Variants in DUSP14 observed in about 807,000 individuals in gnomAD.
DUSP14 encodes dual specificity protein phosphatase 14.
In DUSP14, 5 loss-of-function variants were observed where a neutral mutation model predicts 13.2. The ratio of observed to expected loss-of-function variants is 0.38; its 90% CI spans 0.20 to 0.80. The LOEUF (loss-of-function observed/expected upper bound fraction) is 0.80, where lower values mean the gene tolerates loss of function less well. Among genes scored for constraint, DUSP14 ranks in the 30% least tolerant of loss-of-function variants. The probability of loss-of-function intolerance (pLI) is 0.44; values close to 1 mark genes in which losing one functional copy is unlikely to be tolerated. For synonymous variants in DUSP14, 91 were observed against 103.4 expected, an observed-to-expected ratio of 0.88 and a Z score of 0.73; for missense variants, 185 against 264.0, an observed-to-expected ratio of 0.70 and a Z score of 2.07.
Position 37,512,451 on chromosome 17 carries a change from CCATTGAGATCCCTAA to C in DUSP14, c.180_194del (p.Ile61_Asn65del). The C allele has an allele frequency of 6.2e-7, 1 of 1,614,172 alleles. No individual in the cohort carries two copies. Among genetic ancestry groups the C allele is most frequent in the Non-Finnish European group, 8.5e-7 (1 of 1,180,036 alleles). ...GGCATCACCTGCATTGTTAATGCTA[CCATTGAGATCCCTAA>C]TTTCAACTGGCCCCAATTTGAGTAT... On this transcript the variant is annotated inframe_deletion, in exon 3 of 3. Transcript: ENST00000617516. The surrounding 1 kb of genome is among the most constrained non-coding windows in gnomAD (Gnocchi z 4.8).
Position 37,498,388 on chromosome 17 carries a change from G to A in DUSP14, c.-181+8430G>A, listed in dbSNP as rs1025258741. ...GTCGCCCAGGCTGGAGTGCAGTGGCGCAGTCTCTGCTCACTGCAAGCTCCG... is the reference window on the plus strand; with the variant it reads ...GTCGCCCAGGCTGGAGTGCAGTGGCACAGTCTCTGCTCACTGCAAGCTCCG... On this transcript the variant is annotated intron_variant, in intron 1 of 2. Transcript: ENST00000617516. Among the ~76,000 whole-genome samples, 4 of 134,818 alleles carry A rather than the reference G, an allele frequency of 3.0e-5. No homozygotes were observed. The East Asian group carries it at 9.1e-4, about 31-fold the overall frequency. 88.4% of individuals were successfully genotyped at this position (134,818 alleles called of 152,430 possible). A position where few individuals can be genotyped will look rare whatever the true frequency, so the allele number is the denominator to read the frequency against.
At chr17:37,506,956 C>T (rs1328644998) in intron 1 of DUSP14, among the ~76,000 whole-genome samples, 8 of 152,328 alleles carry the variant, frequency 5.3e-5, no homozygotes, top group South Asian at 2.1e-4. Flanking sequence ...GTGTGGCAGA[C>T]GCTGGCTGGT....
chr17:37,506,144 A>C (rs2054136329), intron 1 of DUSP14, among the ~76,000 whole-genome samples: 1 of 152,048 alleles, frequency 6.6e-6, no homozygotes, highest in Non-Finnish European at 1.5e-5. Context: ...ATGCACCTGT[A>C]ATCCCAGCTA....
Position 37,512,364 on chromosome 17 carries a change from C to T in DUSP14, c.92C>T (p.Thr31Ile). ...GACATAGGAGGCATTGCTCAAATCA[C>T]CTCCTCTCTATTCCTGGGCAGAGGC... is the stretch of plus-strand genomic sequence containing the variant. ...EGDIGGIAQI[T>I]SSLFLGRGSV... The change falls in exon 3 of 3, where the codon ACC becomes ATC. Residue 31 changes from threonine to isoleucine, a missense_variant. By Grantham distance (89) the Thr-to-Ile change is moderately conservative. Transcript: ENST00000617516. This position sits in a 1 kb window ranked among gnomAD's most constrained non-coding sequence, Gnocchi z 4.8. 6.2e-7 allele frequency: 1 copy of T among 1,614,160 alleles called. No homozygotes were observed.
intron 1 of DUSP14, among the ~76,000 whole-genome samples, chr17:37,492,814 C>T (rs1322293594): frequency 1.3e-5 from 2 of 152,292 alleles, no homozygotes; most frequent in Non-Finnish European, 2.9e-5. Flanking sequence ...CTCTCTCCCT[C>T]CCCCAGAGGT....
chr17:37,490,275 C>T (rs1316805093), intron 1 of DUSP14, among the ~76,000 whole-genome samples: 1 of 152,048 alleles, frequency 6.6e-6, no homozygotes, highest in African/African-American at 2.4e-5. Context: ...CTCCAGCAGC[C>T]TCGGCCGCGC....
intron 1 of DUSP14, among the ~76,000 whole-genome samples, chr17:37,499,857 A>G (rs1478513871): frequency 6.6e-6 from 1 of 152,250 alleles, no homozygotes; most frequent in Non-Finnish European, 1.5e-5. Flanking sequence ...TTAGTAATGT[A>G]GTCTTCTAAA....
intron 1 of DUSP14, among the ~76,000 whole-genome samples, chr17:37,499,844 T>A (rs1441818464): frequency 6.6e-6 from 1 of 152,266 alleles, no homozygotes; most frequent in Non-Finnish European, 1.5e-5. Context: ...AATGTTTTAC[T>A]AATTAGTAAT....
intron 1 of DUSP14, among the ~76,000 whole-genome samples, chr17:37,496,117 A>G (rs1279116238): frequency 1.3e-5 from 2 of 152,218 alleles, no homozygotes; most frequent in Non-Finnish European, 2.9e-5. Context: ...TTTGTGTTTC[A>G]TTATAAAACA....
intron 1 of DUSP14, among the ~76,000 whole-genome samples, chr17:37,493,047 A>G (rs998905397): frequency 2.0e-5 from 3 of 152,128 alleles, no homozygotes; most frequent in Non-Finnish European, 4.4e-5. Flanking sequence ...GTATATACAC[A>G]CGCACATATA....
At position 37,512,295 on chromosome 17, in the gene DUSP14, C is replaced by T. The variant is rs778104163; in HGVS notation, c.23C>T (p.Thr8Met). The change falls in exon 3 of 3, where the codon ACG becomes ATG. Residue 8 changes from threonine (T) to methionine (M), a missense_variant. Transcript: ENST00000617516. This position sits in a 1 kb window ranked among gnomAD's most constrained non-coding sequence, Gnocchi z 4.8. ...TTCATGAGCTCCAGAGGTCACAGCA[C>T]GCTACCAAGGACTCTCATGGCCCCT... is the stretch of plus-strand genomic sequence containing the variant. Reference protein sequence around the residue: MSSRGHSTLPRTLMAPRM... With the variant: MSSRGHSMLPRTLMAPRM... The T allele has an allele frequency of 4.3e-6, 7 of 1,611,110 alleles. No individual in the cohort carries two copies. In the South Asian group the frequency reaches 4.4e-5, roughly 10 times the overall value.
At chr17:37,509,126 T>C (rs548461478) in intron 1 of DUSP14, among the ~76,000 whole-genome samples, 8 of 44,512 alleles carry the variant, frequency 1.8e-4, no homozygotes, top group Admixed American at 3.9e-4. Flanking sequence ...TATATATATA[T>C]ATACACACAC....
At chr17:37,502,680 G>C (rs2143088566) in intron 1 of DUSP14, among the ~76,000 whole-genome samples, 1 of 152,104 alleles carries the variant, frequency 6.6e-6, no homozygotes, top group South Asian at 2.1e-4. Flanking sequence ...TTGAGCTTGG[G>C]TATCAGCTGG....
intron 1 of DUSP14, among the ~76,000 whole-genome samples, chr17:37,497,165 T>A (rs902482438): frequency 2.6e-5 from 4 of 151,574 alleles, no homozygotes; most frequent in African/African-American, 7.3e-5. Flanking sequence ...TTTTTTTTTT[T>A]AAAGACAGAG....
At chr17:37,509,103 CCAT>C (rs1266611504) in intron 1 of DUSP14, among the ~76,000 whole-genome samples, 1 of 14,820 alleles carries the variant, frequency 6.7e-5, no homozygotes, top group Non-Finnish European at 1.2e-4. Context: ...AAAAAAAAAC[CCAT>C]ATATATATAT....
At chr17:37,488,983 G>C (rs1385858593), upstream of DUSP14, among the ~76,000 whole-genome samples, 1 of 152,180 alleles carries the variant, frequency 6.6e-6, no homozygotes. Flanking sequence ...CATGGAGTCA[G>C]GACTCTTAGG....
chr17:37,498,390 A>G (rs951087118), intron 1 of DUSP14, among the ~76,000 whole-genome samples: 21 of 128,784 alleles, frequency 1.6e-4, no homozygotes, highest in African/African-American at 5.9e-4. Flanking sequence ...GCAGTGGCGC[A>G]GTCTCTGCTC....
rs533256343 is a variant in DUSP14, at chr17:37,511,585, C to CTTTTTTTTTTTTTTTTT, written c.-92-594_-92-578dup. Among the ~76,000 whole-genome samples the CTTTTTTTTTTTTTTTTT allele has an allele frequency of 2.1e-3, 183 of 87,294 alleles. 28 individuals carry two copies. The highest frequency in any genetic ancestry group is 0.01 in the Middle Eastern group (1 of 96). The allele number at this position is 87,294 out of a possible 152,430, so 57.3% of individuals were successfully genotyped here. ...CATGAGCTACCTCACCTGGCCTTTC[C>CTTTTTTTTTTTTTTTTT]TTTTTTTTTTTTTTTTTTAGAAGCT... On this transcript the variant is annotated intron_variant, in intron 2 of 2. Transcript: ENST00000617516.
chr17:37,505,098 G>A (rs2143098746), intron 1 of DUSP14, among the ~76,000 whole-genome samples: 1 of 152,238 alleles, frequency 6.6e-6, no homozygotes, highest in African/African-American at 2.4e-5. Flanking sequence ...CACCATGTTG[G>A]CTTAGCTGTT....
Sources: gnomAD v4.1 joint callset for allele counts (sites outside exome capture counted in the v4.1 genomes callset) on GRCh38, gnomAD v4.1.1 for gene constraint, Gnocchi (gnomAD v3.1) non-coding constraint, MANE v1.5 for transcripts, NCBI Gene and HGNC (gene_info 2026-07-23, HGNC 2026-07-21) for gene names.